Variants in ASIC2 observed in about 807,000 individuals in gnomAD.
The protein encoded by ASIC2 is acid-sensing ion channel 2.
ASIC2 carries 25 observed loss-of-function variants against 57.3 expected under a neutral mutation model. The ratio of observed to expected loss-of-function variants is 0.44; its 90% CI spans 0.32 to 0.61. ASIC2 has a LOEUF of 0.61. Among genes scored for constraint, ASIC2 ranks in the 20% least tolerant of loss-of-function variants. The probability of loss-of-function intolerance (pLI) is 0.06; values close to 1 mark genes in which losing one functional copy is unlikely to be tolerated. For synonymous variants in ASIC2, 319 were observed against 307.5 expected (o/e 1.04, Z -0.39); for missense variants, 641 against 738.1 (o/e 0.87, Z 1.52).
chr17:33,490,140 A>G (rs778274137), intron 1 of ASIC2, among the ~76,000 whole-genome samples: 14 of 152,234 alleles, frequency 9.2e-5, no homozygotes, highest in African/African-American at 3.1e-4. Context: ...ATTCATTTAC[A>G]TACTATCTAT....
chr17:33,299,611 GT>G (rs1905868085), intron 1 of ASIC2, among the ~76,000 whole-genome samples: 1 of 152,138 alleles, frequency 6.6e-6, no homozygotes, highest in East Asian at 1.9e-4. Context: ...GCACCAAGTG[GT>G]TTTTTGCCCT....
chr17:33,776,559 GC>G (rs554191444), intron 1 of ASIC2, among the ~76,000 whole-genome samples: 241 of 152,332 alleles, frequency 1.6e-3, no homozygotes, highest in African/African-American at 5.4e-3. Context: ...ATAGACAACT[GC>G]TACAGGGCTG....
rs1003734 is a variant in ASIC2 at position 34,129,513 on chromosome 17, T to C, written c.555+26465A>G. ...TCTTCCACACTCTTAAAGGGCCATG[T>C]CCCATGTTATACCTGGAACTAATAA... On this transcript the variant is annotated intron_variant, in intron 1 of 9. Transcript: ENST00000359872. Among the ~76,000 whole-genome samples the C allele has an allele frequency of 8.4e-3, 1,273 of 152,308 alleles. 5 individuals carry two copies. Among genetic ancestry groups the C allele is most frequent in the Non-Finnish European group, 0.013 (897 of 68,026 alleles).
intron 1 of ASIC2, among the ~76,000 whole-genome samples, chr17:33,612,144 C>A (rs1162340385): frequency 6.6e-6 from 1 of 152,060 alleles, no homozygotes; most frequent in African/African-American, 2.4e-5. Flanking sequence ...TAAATGAGGC[C>A]CACCCACATT....
At chr17:33,763,836 A>C (rs1044145426) in intron 1 of ASIC2, among the ~76,000 whole-genome samples, 1 of 152,142 alleles carries the variant, frequency 6.6e-6, no homozygotes, top group African/African-American at 2.4e-5. Context: ...TTGCCTTTTT[A>C]TGACTGATCC....
chr17:33,162,959 C>T (rs9674927), intron 1 of ASIC2, among the ~76,000 whole-genome samples: 39,086 of 151,938 alleles, frequency 0.26, 5,104 homozygotes, highest in East Asian at 0.39. Flanking sequence ...CTAAAGTGAT[C>T]ATGGCTGTTT....
chr17:33,852,851 A>G (rs1913811654), intron 1 of ASIC2, among the ~76,000 whole-genome samples: 1 of 152,112 alleles, frequency 6.6e-6, no homozygotes, highest in African/African-American at 2.4e-5. Context: ...AGATGGTTAA[A>G]TAAATGGGCC....
chr17:33,880,895 C>G (rs1914682339), intron 1 of ASIC2, among the ~76,000 whole-genome samples: 1 of 152,120 alleles, frequency 6.6e-6, no homozygotes, highest in Non-Finnish European at 1.5e-5. Context: ...AGCAGCACAT[C>G]AAAAAGCTTA....
At chr17:33,151,906 G>A (rs1236569986) in intron 1 of ASIC2, among the ~76,000 whole-genome samples, 1 of 152,222 alleles carries the variant, frequency 6.6e-6, no homozygotes, top group Non-Finnish European at 1.5e-5. Flanking sequence ...ATCACCCTGT[G>A]TTAAGTCATA....
chr17:33,423,314 G>C (rs1184103423), intron 1 of ASIC2, among the ~76,000 whole-genome samples: 1 of 152,180 alleles, frequency 6.6e-6, no homozygotes, highest in Non-Finnish European at 1.5e-5. Context: ...ATGAGTGCTG[G>C]AATCAGAGTT....
Position 34,076,013 on chromosome 17 carries a change from T to A in ASIC2, c.555+79965A>T, listed in dbSNP as rs71379451. ...CTGGCTATTATTTTTTATTTTTATT[T>A]TTTTTTTGAGACAGAGTCTCACTTT... On this transcript the variant is annotated intron_variant, in intron 1 of 9. Coordinates refer to the ASIC2 transcript ENST00000359872. 9.0e-3 allele frequency among the ~76,000 whole-genome samples: 1,370 copies of A among 151,522 alleles called. 36 individuals are homozygous for A. Among genetic ancestry groups the A allele is most frequent in the African/African-American group, 0.032 (1,310 of 41,276 alleles).
chr17:33,464,496 CTT>C (rs1567620932), intron 1 of ASIC2, among the ~76,000 whole-genome samples: 82 of 38,428 alleles, frequency 2.1e-3, no homozygotes, highest in Middle Eastern at 0.01. Flanking sequence ...TTCTTTCTTT[CTT>C]TCTTTCTTTC....
chr17:33,907,203 C>T lies in ASIC2; in HGVS notation c.555+248775G>A, dbSNP rs185722390. Reference sequence around the variant, plus strand: ...CGGAGGTCCTGTTTTATGCCCTTGTCCCATAAAGACAGGTGAGGTGAGGAC... The same window carrying T: ...CGGAGGTCCTGTTTTATGCCCTTGTTCCATAAAGACAGGTGAGGTGAGGAC... On this transcript the variant is annotated intron_variant, in intron 1 of 9. Transcript: ENST00000359872. 2.6e-5 allele frequency among the ~76,000 whole-genome samples: 4 copies of T among 152,214 alleles called. No homozygotes were observed. In the East Asian group the frequency reaches 7.7e-4, roughly 29 times the overall value.
intron 1 of ASIC2, chr17:34,039,913 C>A: frequency 6.5e-7 from 1 of 1,536,150 alleles, no homozygotes; most frequent in Non-Finnish European, 9.0e-7. Context: ...ACGCTCCTCC[C>A]TGGAGGGACC....
chr17:34,114,175 A>G (rs1380234051), intron 1 of ASIC2, among the ~76,000 whole-genome samples: 3 of 152,226 alleles, frequency 2.0e-5, no homozygotes, highest in Non-Finnish European at 4.4e-5. Flanking sequence ...TTGGCAGTGC[A>G]GTTGTCCAAG....
At chr17:33,754,372 A>T (rs1910524919) in intron 1 of ASIC2, among the ~76,000 whole-genome samples, 1 of 152,036 alleles carries the variant, frequency 6.6e-6, no homozygotes, top group African/African-American at 2.4e-5. Context: ...TCCGGATGTC[A>T]CACAGACACT....
At chr17:33,971,361 A>C (rs1017588629) in intron 1 of ASIC2, among the ~76,000 whole-genome samples, 1 of 152,152 alleles carries the variant, frequency 6.6e-6, no homozygotes, top group Admixed American at 6.5e-5. Context: ...GCTTGAGAGA[A>C]TATTTGGCAC....
intron 1 of ASIC2, among the ~76,000 whole-genome samples, chr17:34,022,458 GAAGT>G (rs1907201718): frequency 6.6e-6 from 1 of 151,996 alleles, no homozygotes; most frequent in East Asian, 1.9e-4. Context: ...ATATTACTAG[GAAGT>G]AAGATGGGCA....
At chr17:33,265,447 G>A (rs1036689705) in intron 1 of ASIC2, among the ~76,000 whole-genome samples, 1 of 152,122 alleles carries the variant, frequency 6.6e-6, no homozygotes, top group Non-Finnish European at 1.5e-5. Context: ...TTACAAGTGG[G>A]AGCTGAACAA....
Sources: allele counts gnomAD v4.1 joint callset (sites outside exome capture counted in the v4.1 genomes callset), GRCh38; gene constraint gnomAD v4.1.1; transcripts MANE v1.5; gene names NCBI Gene and HGNC (gene_info 2026-07-23, HGNC 2026-07-21).